C1orf21: variants seen among roughly 807,000 people sequenced by gnomAD.
The protein encoded by C1orf21 is chromosome 1 open reading frame 21, also known as uncharacterized protein C1orf21.
Under a neutral mutation model 18.7 loss-of-function variants are expected in C1orf21, and 3 were observed. That is an observed-to-expected ratio of 0.16 (90% CI 0.07 to 0.42). The LOEUF is 0.42. C1orf21 is among the 10% of genes least tolerant of loss of function. The pLI is 0.99. For missense variants in C1orf21, 104 were observed against 143.6 expected, an observed-to-expected ratio of 0.72 and a Z score of 1.41; for synonymous variants, 41 against 46.4, an observed-to-expected ratio of 0.88 and a Z score of 0.47.
intron 3 of C1orf21, among the ~76,000 whole-genome samples, chr1:184,588,316 G>A (rs1292380456): frequency 6.6e-6 from 1 of 152,148 alleles, no homozygotes; most frequent in Non-Finnish European, 1.5e-5. Context: ...ACTACCATGA[G>A]CTTGACAGCT....
intron 1 of C1orf21, among the ~76,000 whole-genome samples, chr1:184,456,095 G>A (rs1657193936): frequency 6.6e-6 from 1 of 152,176 alleles, no homozygotes; most frequent in African/African-American, 2.4e-5. Flanking sequence ...TCCTTGGGAT[G>A]TAGCAAGCTA....
At chr1:184,556,973 TA>T (rs1208639169) in intron 3 of C1orf21, among the ~76,000 whole-genome samples, 1 of 152,204 alleles carries the variant, frequency 6.6e-6, no homozygotes, top group Non-Finnish European at 1.5e-5. Context: ...AAATGGCTGG[TA>T]TTTTTTTATA....
intron 2 of C1orf21, among the ~76,000 whole-genome samples, chr1:184,495,635 T>C (rs147699790): frequency 2.6e-5 from 4 of 152,220 alleles, no homozygotes; most frequent in Admixed American, 1.3e-4. Context: ...TTACAAGATA[T>C]GGTGGGCCAG....
intron 1 of C1orf21, among the ~76,000 whole-genome samples, chr1:184,451,707 A>G (rs549804635): frequency 2.0e-5 from 3 of 152,106 alleles, no homozygotes; most frequent in Non-Finnish European, 4.4e-5. Context: ...AGACTTAGGC[A>G]TGGTTGCCTG....
chr1:184,594,874 G>A (rs1659491886), intron 4 of C1orf21, among the ~76,000 whole-genome samples: 2 of 152,172 alleles, frequency 1.3e-5, no homozygotes, highest in African/African-American at 4.8e-5. Flanking sequence ...ATCATTTGCA[G>A]ATTTTATTTT....
chr1:184,445,292 A>G (rs1044829358), intron 1 of C1orf21, among the ~76,000 whole-genome samples: 2 of 151,748 alleles, frequency 1.3e-5, no homozygotes, highest in African/African-American at 4.8e-5. Context: ...TTTCAGAGAA[A>G]GTTTTTAGAA....
At chr1:184,553,269 G>A (rs1189738439) in intron 3 of C1orf21, among the ~76,000 whole-genome samples, 1 of 152,020 alleles carries the variant, frequency 6.6e-6, no homozygotes, top group Admixed American at 6.5e-5. Flanking sequence ...TTTTTTTCTT[G>A]AGAATATCTG....
At position 184,512,202 on chromosome 1, in the gene C1orf21, A is replaced by G. The variant is rs112539893; in HGVS notation, c.189+4520A>G. Reference sequence around the variant, plus strand: ...AGTGGTTCATTTTTAAAGATTCTCCATTATTCATTCGGATTATATCCAAGT... The same window carrying G: ...AGTGGTTCATTTTTAAAGATTCTCCGTTATTCATTCGGATTATATCCAAGT... On this transcript the variant is annotated intron_variant, in intron 3 of 5. Coordinates refer to ENST00000235307, the MANE Select transcript of C1orf21 (RefSeq NM_030806.4). 5.8e-3 allele frequency among the ~76,000 whole-genome samples: 880 copies of G among 152,318 alleles called. 7 individuals carry two copies. The highest frequency in any genetic ancestry group is 0.017 in the African/African-American group (726 of 41,570).
At chr1:184,523,496 C>G (rs1467519290) in intron 3 of C1orf21, among the ~76,000 whole-genome samples, 3 of 151,946 alleles carry the variant, frequency 2.0e-5, no homozygotes, top group Non-Finnish European at 4.4e-5. Context: ...ACTGTCACAG[C>G]CAAAAGGAAT....
chr1:184,421,241 C>T (rs900081779), intron 1 of C1orf21, among the ~76,000 whole-genome samples: 2 of 152,248 alleles, frequency 1.3e-5, no homozygotes, highest in African/African-American at 2.4e-5. Flanking sequence ...CCTGCCTCAG[C>T]CTCCCAAGGC....
chr1:184,610,584 C>T (rs561547984), intron 5 of C1orf21, among the ~76,000 whole-genome samples: 1 of 152,294 alleles, frequency 6.6e-6, no homozygotes, highest in Non-Finnish European at 1.5e-5. Flanking sequence ...CGGTGGCTCA[C>T]GCCTGTAATC....
intron 1 of C1orf21, among the ~76,000 whole-genome samples, chr1:184,398,246 C>T (rs2101955700): frequency 6.6e-6 from 1 of 152,302 alleles, no homozygotes; most frequent in Non-Finnish European, 1.5e-5. Flanking sequence ...TGCACTGTTC[C>T]TTTAATGCTT....
At chr1:184,537,737 G>A (rs1209075073) in intron 3 of C1orf21, among the ~76,000 whole-genome samples, 12 of 151,964 alleles carry the variant, frequency 7.9e-5, no homozygotes, top group African/African-American at 1.9e-4. Context: ...CGCAACCTCC[G>A]CCTCCCGGGT....
chr1:184,532,371 G>C lies in C1orf21; in HGVS notation c.189+24689G>C, dbSNP rs376624764. Among the ~76,000 whole-genome samples, 29 of 152,302 alleles carry C rather than the reference G, an allele frequency of 1.9e-4. No individual in the cohort carries two copies. The East Asian group carries it at 5.4e-3, about 28-fold the overall frequency. The stretch of plus-strand genomic sequence containing the variant: ...CTTGGAAGGTTTCTAGTAAGTGACT[G>C]CTGCTATTATTAGTAGTGTTATTAA... On this transcript the variant is annotated intron_variant, in intron 3 of 5. Transcript: ENST00000235307.
chr1:184,449,107 T>A (rs1050599907), intron 1 of C1orf21, among the ~76,000 whole-genome samples: 4 of 152,172 alleles, frequency 2.6e-5, no homozygotes, highest in African/African-American at 7.2e-5. Context: ...TGTGCAGGTT[T>A]GTTACATATG....
intron 3 of C1orf21, among the ~76,000 whole-genome samples, chr1:184,539,543 T>A (rs533771163): frequency 6.6e-6 from 1 of 152,364 alleles, no homozygotes; most frequent in Non-Finnish European, 1.5e-5. Context: ...TTCAGTTATT[T>A]AGAAAAGTTT....
chr1:184,617,820 C>T (rs1457633623), intron 5 of C1orf21, among the ~76,000 whole-genome samples: 1 of 151,754 alleles, frequency 6.6e-6, no homozygotes, highest in Admixed American at 6.6e-5. Flanking sequence ...AGCAAGCAAT[C>T]TGGGGCCAGT....
chr1:184,588,418 T>A (rs945204233), intron 3 of C1orf21, among the ~76,000 whole-genome samples: 2 of 152,148 alleles, frequency 1.3e-5, no homozygotes, highest in Non-Finnish European at 2.9e-5. Context: ...ATTTGGAGAT[T>A]ATAGGTAAAA....
intron 1 of C1orf21, among the ~76,000 whole-genome samples, chr1:184,426,363 C>T (rs571832535): frequency 2.6e-5 from 4 of 152,146 alleles, no homozygotes; most frequent in South Asian, 2.1e-4. Context: ...ACCCTCAGAG[C>T]GATCTTTTAA....
Sources: allele counts gnomAD v4.1 joint callset (sites outside exome capture counted in the v4.1 genomes callset), GRCh38; gene constraint gnomAD v4.1.1; transcripts MANE v1.5; gene names NCBI Gene and HGNC (gene_info 2026-07-23, HGNC 2026-07-21).